Variants in PLPPR5 observed in about 807,000 individuals in gnomAD.
PLPPR5 encodes phospholipid phosphatase-related protein type 5.
PLPPR5 carries 16 observed loss-of-function variants against 33.9 expected under a neutral mutation model. That is an observed-to-expected ratio of 0.47 (90% CI 0.32 to 0.72). The LOEUF (loss-of-function observed/expected upper bound fraction) is 0.72, where lower values mean the gene tolerates loss of function less well. Among genes scored for constraint, PLPPR5 ranks in the 30% least tolerant of loss-of-function variants. PLPPR5 has a pLI of 0.03. For synonymous variants in PLPPR5, 163 were observed against 150.3 expected (o/e 1.08, Z -0.62); for missense variants, 301 against 406.7 (o/e 0.74, Z 2.23).
chr1:98,985,946 T>A (rs537050074), intron 1 of PLPPR5, among the ~76,000 whole-genome samples: 1 of 152,138 alleles, frequency 6.6e-6, no homozygotes, highest in East Asian at 1.9e-4. Context: ...CAACATATTT[T>A]GAGGTGGCAT....
intron 1 of PLPPR5, among the ~76,000 whole-genome samples, chr1:98,956,989 T>C (rs1038273201): frequency 4.6e-5 from 7 of 152,064 alleles, no homozygotes; most frequent in Admixed American, 4.6e-4. Flanking sequence ...ATATACACCA[T>C]GGAATACTAT....
chr1:98,915,722 A>G (rs2101153750), intron 4 of PLPPR5, among the ~76,000 whole-genome samples: 2 of 152,298 alleles, frequency 1.3e-5, no homozygotes, highest in East Asian at 3.9e-4. Flanking sequence ...CATTTTTGGC[A>G]TTGTTAAAAA....
chr1:98,923,312 A>C (rs1050143532), intron 3 of PLPPR5, among the ~76,000 whole-genome samples: 7 of 152,230 alleles, frequency 4.6e-5, no homozygotes, highest in Admixed American at 3.9e-4. Context: ...TTGATAATAT[A>C]ATCAGATTTT....
At position 98,959,337 on chromosome 1, in the gene PLPPR5, T is replaced by C. The variant is rs537887418; in HGVS notation, c.238-2596A>G. Reference sequence around the variant, plus strand: ...GCCTGCATCTCAGCACATTTCACCTTGCGGAATTTCCGATTTGTGTCCTGA... The same window carrying C: ...GCCTGCATCTCAGCACATTTCACCTCGCGGAATTTCCGATTTGTGTCCTGA... On this transcript the variant is annotated intron_variant, in intron 1 of 5. Transcript: ENST00000263177. Among the ~76,000 whole-genome samples, 10 of 152,326 alleles carry C rather than the reference T, an allele frequency of 6.6e-5. No individual in the cohort carries two copies. The East Asian group carries it at 1.7e-3, about 26-fold the overall frequency.
intron 5 of PLPPR5, among the ~76,000 whole-genome samples, chr1:98,896,834 C>T (rs1047859117): frequency 6.8e-6 from 1 of 147,476 alleles, no homozygotes; most frequent in African/African-American, 2.5e-5. Flanking sequence ...AAAATACAGT[C>T]TGTAATTTAA....
At chr1:98,895,239 A>G (rs1648429926) in intron 5 of PLPPR5, among the ~76,000 whole-genome samples, 1 of 152,016 alleles carries the variant, frequency 6.6e-6, no homozygotes. Context: ...GTTATAAAAA[A>G]GCAAGTTTAG....
At chr1:98,903,840 G>T (rs1290314015) in intron 5 of PLPPR5, among the ~76,000 whole-genome samples, 1 of 152,100 alleles carries the variant, frequency 6.6e-6, no homozygotes, top group African/African-American at 2.4e-5. Flanking sequence ...GCTGAACCAG[G>T]CTTCAAACCT....
intron 3 of PLPPR5, 54 bp downstream of exon 3, chr1:98,953,016 G>T: frequency 6.3e-7 from 1 of 1,584,822 alleles, no homozygotes. Context: ...TTTCTACATT[G>T]GAAAAATTAA....
At chr1:98,963,635 G>A (rs889016650) in intron 1 of PLPPR5, among the ~76,000 whole-genome samples, 7 of 152,254 alleles carry the variant, frequency 4.6e-5, no homozygotes, top group Admixed American at 2.0e-4. Context: ...CTGGGAACTT[G>A]TGAGCCTCTC....
chr1:98,903,696 G>A (rs548609776), intron 5 of PLPPR5, among the ~76,000 whole-genome samples: 25 of 152,118 alleles, frequency 1.6e-4, no homozygotes, highest in Non-Finnish European at 2.9e-4. Context: ...CTTGTGTGAA[G>A]CACCTACTAT....
chr1:98,951,856 TC>T (rs1488819915), intron 3 of PLPPR5, among the ~76,000 whole-genome samples: 3 of 152,168 alleles, frequency 2.0e-5, no homozygotes, highest in Non-Finnish European at 4.4e-5. Context: ...TTAGAAATAA[TC>T]AAATTTGGTT....
intron 3 of PLPPR5, among the ~76,000 whole-genome samples, chr1:98,929,178 A>C (rs1649873494): frequency 6.6e-6 from 1 of 152,198 alleles, no homozygotes; most frequent in African/African-American, 2.4e-5. Context: ...TATCACTTGT[A>C]AAATGAAAAT....
At chr1:99,005,392 C>T (rs1436619199), upstream of PLPPR5, among the ~76,000 whole-genome samples, 1 of 152,136 alleles carries the variant, frequency 6.6e-6, no homozygotes, top group Non-Finnish European at 1.5e-5. Flanking sequence ...GGGGCTGGAG[C>T]CTGGCGGTGG....
chr1:98,932,919 C>G (rs1650036455), intron 3 of PLPPR5, among the ~76,000 whole-genome samples: 1 of 152,126 alleles, frequency 6.6e-6, no homozygotes, highest in South Asian at 2.1e-4. Flanking sequence ...GCTCCACACT[C>G]CTTTATCTGA....
At chr1:99,003,959 C>T (rs1450304941) in intron 1 of PLPPR5, among the ~76,000 whole-genome samples, 3 of 152,310 alleles carry the variant, frequency 2.0e-5, no homozygotes, top group East Asian at 1.9e-4. Context: ...AATAGAAATA[C>T]GTGCCCCGAC....
chr1:98,964,973 A>ATTTT lies in PLPPR5; in HGVS notation c.238-8236_238-8233dup, dbSNP rs566402306. ...TGCAACCATGCCCAGTTAATTTTTG[A>ATTTT]TTTTTTTTTTTTTTTTTTTGGTAGA... On this transcript the variant is annotated intron_variant, in intron 1 of 5. Coordinates refer to ENST00000263177, the MANE Select transcript of PLPPR5 (RefSeq NM_001037317.2). Among the ~76,000 whole-genome samples the ATTTT allele has an allele frequency of 5.5e-3, 669 of 121,414 alleles. 9 individuals are homozygous for ATTTT. The highest frequency in any genetic ancestry group is 9.0e-3 in the Non-Finnish European group (514 of 57,358). The allele number at this position is 121,414 out of a possible 152,430, so 79.7% of individuals were successfully genotyped here.
chr1:98,929,532 AAATGTGATGTAAGT>A (rs1649891505), intron 3 of PLPPR5, among the ~76,000 whole-genome samples: 6 of 152,206 alleles, frequency 3.9e-5, no homozygotes, highest in Admixed American at 6.5e-5. Flanking sequence ...AAGGAGTCAC[AAATGTGATGTAAGT>A]AACAACAACC....
At chr1:98,968,716 T>C (rs2101243229) in intron 1 of PLPPR5, among the ~76,000 whole-genome samples, 1 of 151,844 alleles carries the variant, frequency 6.6e-6, no homozygotes, top group South Asian at 2.1e-4. Context: ...TATGTACCCA[T>C]AAAAGTGAAA....
intron 1 of PLPPR5, among the ~76,000 whole-genome samples, chr1:98,960,086 C>A (rs976387033): frequency 6.6e-6 from 1 of 152,028 alleles, no homozygotes; most frequent in African/African-American, 2.4e-5. Flanking sequence ...CTGTTTCCCC[C>A]ACAGCTCACT....
Sources: allele counts gnomAD v4.1 joint callset (sites outside exome capture counted in the v4.1 genomes callset), GRCh38; gene constraint gnomAD v4.1.1; transcripts MANE v1.5; gene names NCBI Gene and HGNC (gene_info 2026-07-23, HGNC 2026-07-21).